AFF2: variants seen among roughly 807,000 people sequenced by gnomAD.
AFF2 encodes AF4/FMR2 family member 2.
A neutral mutation model predicts 76.9 loss-of-function variants in AFF2; 14 were observed. That is an observed-to-expected ratio of 0.18 (90% CI 0.12 to 0.28). The LOEUF (loss-of-function observed/expected upper bound fraction) is 0.28, where lower values mean the gene tolerates loss of function less well. Among genes scored for constraint, AFF2 ranks in the 10% least tolerant of loss-of-function variants. The pLI is 1.00. For synonymous variants in AFF2, 398 were observed against 366.7 expected (o/e 1.09, Z -0.98); for missense variants, 868 against 1,001.1 (o/e 0.87, Z 1.79).
rs149552638 is a variant in AFF2, at chrX:148,611,867, C to T, written c.48-40132C>T. Among the ~76,000 whole-genome samples the T allele has an allele frequency of 6.6e-3, 741 of 111,624 alleles. 6 individuals are homozygous for T. The highest frequency in any genetic ancestry group is 0.011 in the Non-Finnish European group (598 of 52,980). ...TATATGTCAATGGGTCTTATTTTTC[C>T]AAATAATTATAATCTTGAGATCTGG... On this transcript the variant is annotated intron_variant, in intron 1 of 20. Transcript: ENST00000370460.
chrX:148,657,529 G>T (rs1557257284), intron 2 of AFF2, among the ~76,000 whole-genome samples: 1 of 112,153 alleles, frequency 8.9e-6, no homozygotes, highest in Admixed American at 9.5e-5. Flanking sequence ...TTTGTAGATA[G>T]CATTAGAAAC....
At chrX:148,823,844 A>G (rs1254846018) in intron 4 of AFF2, among the ~76,000 whole-genome samples, 1 of 111,992 alleles carries the variant, frequency 8.9e-6, no homozygotes, top group Non-Finnish European at 1.9e-5. Context: ...AGAAGACCAG[A>G]GAAGTTTCAG....
chrX:148,680,117 T>A (rs2054531233), intron 3 of AFF2, among the ~76,000 whole-genome samples: 1 of 112,145 alleles, frequency 8.9e-6, no homozygotes, highest in African/African-American at 3.2e-5. Flanking sequence ...ATTCATTTAT[T>A]ATGTATTGAG....
At chrX:148,795,832 AATATATATATATAT>A (rs1169188980) in intron 3 of AFF2, among the ~76,000 whole-genome samples, 278 of 15,533 alleles carry the variant, frequency 0.018, 4 homozygotes, top group African/African-American at 0.022. Flanking sequence ...AAAAAAAAAA[AATATATATATATAT>A]ATATATATAT....
At chrX:148,680,144 A>C (rs2054531600) in intron 3 of AFF2, among the ~76,000 whole-genome samples, 1 of 112,002 alleles carries the variant, frequency 8.9e-6, no homozygotes, top group African/African-American at 3.2e-5. Context: ...TACATGCATA[A>C]TATAGTTTTA....
chrX:148,675,660 A>G (rs781916544), intron 3 of AFF2, among the ~76,000 whole-genome samples: 9 of 109,376 alleles, frequency 8.2e-5, no homozygotes, highest in African/African-American at 3.0e-4. Context: ...TTCCTCTGGG[A>G]CATCCAGAAA....
intron 3 of AFF2, among the ~76,000 whole-genome samples, chrX:148,742,261 T>C (rs1319400399): frequency 8.9e-6 from 1 of 112,234 alleles, no homozygotes; most frequent in Non-Finnish European, 1.9e-5. Flanking sequence ...ATCTTTTATA[T>C]ATTAAAATAC....
chrX:148,879,236 G>C (rs1015724783), intron 7 of AFF2, among the ~76,000 whole-genome samples: 1 of 111,735 alleles, frequency 8.9e-6, no homozygotes, highest in Non-Finnish European at 1.9e-5. Context: ...GAATCTCTGA[G>C]ATACATATTA....
At chrX:148,750,850 G>T (rs782391416) in intron 3 of AFF2, among the ~76,000 whole-genome samples, 2 of 111,775 alleles carry the variant, frequency 1.8e-5, no homozygotes, top group East Asian at 5.6e-4. Context: ...CTTGTTACTA[G>T]CATCCACTTT....
intron 9 of AFF2, among the ~76,000 whole-genome samples, chrX:148,930,163 T>A (rs2071695967): frequency 8.9e-6 from 1 of 112,260 alleles, no homozygotes; most frequent in Non-Finnish European, 1.9e-5. Flanking sequence ...TTTGTCCAAA[T>A]TATGTATAAG....
intron 3 of AFF2, among the ~76,000 whole-genome samples, chrX:148,782,797 GA>G (rs1557269193): frequency 9.0e-6 from 1 of 111,374 alleles, no homozygotes; most frequent in Non-Finnish European, 1.9e-5. Flanking sequence ...TTTATTTCAA[GA>G]ACTTGGGTAA....
rs1557287371 is a variant in AFF2, at chrX:148,956,425, G to A, written c.2380G>A (p.Asp794Asn). Residue 794 changes from aspartate (D) to asparagine (N), a missense_variant, in exon 11 of 21, where the codon GAT (aspartate) becomes AAT (asparagine). By Grantham distance (23) the Asp-to-Asn change is conservative. This residue lies in a region of AFF2 where 532 missense variants were observed against 564.2 expected (regional missense o/e 0.94). Coordinates refer to ENST00000370460, the MANE Select transcript of AFF2 (RefSeq NM_002025.4). ...AACTGAAATCCTGTCCCCTCTGCGA[G>A]ATCATGAGAACCTGAAAAACCTCTG... ...MQTEILSPLR[D>N]HENLKNLWVK... is the part of the protein sequence containing the mutation. 4.1e-6 allele frequency: 5 copies of A among 1,211,603 alleles called. No homozygotes were observed. The highest frequency in any genetic ancestry group is 4.5e-6 in the Non-Finnish European group (4 of 895,454).
In AFF2 at chrX:148,661,294, G is replaced by A. The variant is rs1020668480; in HGVS notation, c.181-614G>A. Among the ~76,000 whole-genome samples, 4 of 112,275 alleles carry A rather than the reference G, an allele frequency of 3.6e-5. No homozygotes were observed. The East Asian group carries it at 8.4e-4, about 23-fold the overall frequency. ...AACACAGTCATTCCAGAATATACAG[G>A]CAAACACTAGTAATTCATACAGTTC... On this transcript the variant is annotated intron_variant, in intron 2 of 20. Coordinates refer to ENST00000370460, the MANE Select transcript of AFF2 (RefSeq NM_002025.4).
chrX:148,906,399 C>T (rs1184384185), intron 9 of AFF2, among the ~76,000 whole-genome samples: 2 of 111,569 alleles, frequency 1.8e-5, no homozygotes, highest in Non-Finnish European at 3.8e-5. Flanking sequence ...GACTGAGAGA[C>T]AGGACTAGCT....
intron 3 of AFF2, among the ~76,000 whole-genome samples, chrX:148,784,174 G>A (rs1249332779): frequency 4.5e-5 from 5 of 112,123 alleles, no homozygotes; most frequent in African/African-American, 1.6e-4. Context: ...AACTTGGAAG[G>A]TGTGCCAGCC....
At chrX:148,761,043 A>T (rs1479794867) in intron 3 of AFF2, among the ~76,000 whole-genome samples, 1 of 111,781 alleles carries the variant, frequency 8.9e-6, no homozygotes, top group East Asian at 2.8e-4. Context: ...TAAGAACACT[A>T]TTCCTATGTA....
intron 1 of AFF2, among the ~76,000 whole-genome samples, chrX:148,572,749 C>T (rs2053243712): frequency 9.0e-6 from 1 of 110,789 alleles, no homozygotes; most frequent in African/African-American, 3.3e-5. Context: ...TCAGGGGCTG[C>T]TGGGAGGGGA....
intron 3 of AFF2, among the ~76,000 whole-genome samples, chrX:148,748,869 A>C (rs1249189897): frequency 8.9e-6 from 1 of 112,302 alleles, no homozygotes; most frequent in Admixed American, 9.4e-5. Flanking sequence ...ACTTTTGTTA[A>C]GTACTGAATT....
intron 7 of AFF2, among the ~76,000 whole-genome samples, chrX:148,862,672 T>A (rs1557276511): frequency 9.0e-6 from 1 of 111,550 alleles, no homozygotes; most frequent in Non-Finnish European, 1.9e-5. Context: ...TACTACATAG[T>A]TAAACTGGCA....
Sources: allele counts gnomAD v4.1 joint callset (sites outside exome capture counted in the v4.1 genomes callset), GRCh38; gene constraint gnomAD v4.1.1; regional missense constraint gnomAD v4.1.1; transcripts MANE v1.5; gene names NCBI Gene and HGNC (gene_info 2026-07-23, HGNC 2026-07-21).